Variants in EXOC4 observed in about 807,000 individuals in gnomAD.
EXOC4 encodes SEC8-like 1.
In EXOC4, 71 loss-of-function variants were observed where a neutral mutation model predicts 107.2. The ratio of observed to expected loss-of-function variants is 0.66; its 90% CI spans 0.55 to 0.81. EXOC4 has a LOEUF of 0.81. Among genes scored for constraint, EXOC4 ranks in the 30% least tolerant of loss-of-function variants. EXOC4 has a pLI of 0.00. For missense variants in EXOC4, 1,108 were observed against 1,189.6 expected (o/e 0.93, Z 1.01); for synonymous variants, 456 against 441.2 (o/e 1.03, Z -0.42).
chr7:133,839,372 A>C (rs1028546973), intron 11 of EXOC4, among the ~76,000 whole-genome samples: 1 of 152,202 alleles, frequency 6.6e-6, no homozygotes, highest in African/African-American at 2.4e-5. Flanking sequence ...AATGATTTTA[A>C]ATGTTTTTTA....
chr7:133,823,840 ATAT>A (rs1398699314), intron 11 of EXOC4, among the ~76,000 whole-genome samples: 1 of 10,012 alleles, frequency 1.0e-4, no homozygotes, highest in Non-Finnish European at 1.8e-4. Context: ...ATATATATAT[ATAT>A]TATATATATA....
At chr7:133,413,522 G>T (rs1797408215) in intron 7 of EXOC4, among the ~76,000 whole-genome samples, 1 of 152,096 alleles carries the variant, frequency 6.6e-6, no homozygotes. Flanking sequence ...AGTGACTTTG[G>T]TGTCAAATTT....
intron 9 of EXOC4, among the ~76,000 whole-genome samples, chr7:133,545,232 C>T (rs1273128063): frequency 6.6e-6 from 1 of 152,004 alleles, no homozygotes; most frequent in Non-Finnish European, 1.5e-5. Flanking sequence ...GTTAATTTTC[C>T]AGATAACTAA....
intron 10 of EXOC4, among the ~76,000 whole-genome samples, chr7:133,680,439 C>A (rs759059980): frequency 6.6e-6 from 1 of 152,184 alleles, no homozygotes; most frequent in Non-Finnish European, 1.5e-5. Flanking sequence ...CCTCACCTTA[C>A]ATAAATCTCC....
At chr7:133,518,933 A>T (rs1799930942) in intron 9 of EXOC4, among the ~76,000 whole-genome samples, 2 of 152,146 alleles carry the variant, frequency 1.3e-5, no homozygotes, top group South Asian at 4.1e-4. Flanking sequence ...CAACACCATG[A>T]ATGTACTTAA....
At chr7:133,776,707 G>C (rs1300839588) in intron 10 of EXOC4, among the ~76,000 whole-genome samples, 2 of 152,084 alleles carry the variant, frequency 1.3e-5, no homozygotes, top group Non-Finnish European at 2.9e-5. Context: ...CTAACATTTG[G>C]CTTAGAGTAA....
the EXOC4 span, among the ~76,000 whole-genome samples, chr7:134,097,593 T>G: frequency 1.1e-4 from 17 of 152,182 alleles, no homozygotes; most frequent in Non-Finnish European, 1.9e-4. Context: ...AGACTATTCT[T>G]GCTGAGACAA....
chr7:133,745,582 G>C (rs1458932794), intron 10 of EXOC4, among the ~76,000 whole-genome samples: 1 of 151,904 alleles, frequency 6.6e-6, no homozygotes, highest in Admixed American at 6.6e-5. Context: ...AGAACTTTAA[G>C]AAACAGGATA....
At position 133,707,625 on chromosome 7, in the gene EXOC4, AT is replaced by A. The variant is rs113230829; in HGVS notation, c.1514+77492del. Among the ~76,000 whole-genome samples, 5 of 151,108 alleles carry A rather than the reference AT, an allele frequency of 3.3e-5. No homozygotes were observed. The East Asian group carries it at 7.8e-4, about 23-fold the overall frequency. ...CCCTTTATTTTTTATTTATTTATTT[AT>A]TTTTTTTGAGATGGAGCCTCACTCC... On this transcript the variant is annotated intron_variant, in intron 10 of 17. Coordinates refer to ENST00000253861, the MANE Select transcript of EXOC4 (RefSeq NM_021807.4).
At chr7:134,076,955 C>CAT in the EXOC4 span, among the ~76,000 whole-genome samples, 1 of 149,970 alleles carries the variant, frequency 6.7e-6, no homozygotes, top group African/African-American at 2.5e-5. Context: ...TGAGGATCTG[C>CAT]ATATGTGTGT....
intron 17 of EXOC4, among the ~76,000 whole-genome samples, chr7:134,021,650 A>G (rs1795031580): frequency 6.6e-6 from 1 of 151,154 alleles, no homozygotes; most frequent in African/African-American, 2.4e-5. Context: ...ATTGCCTGGA[A>G]TCTACATGTT....
intron 10 of EXOC4, among the ~76,000 whole-genome samples, chr7:133,649,284 T>G (rs528171817): frequency 5.2e-4 from 79 of 152,230 alleles, no homozygotes; most frequent in African/African-American, 1.9e-3. Flanking sequence ...ATTATTACTT[T>G]TCCAGCACCA....
chr7:133,694,259 CAAAAAAA>C (rs10591090), intron 10 of EXOC4, among the ~76,000 whole-genome samples: 2 of 120,178 alleles, frequency 1.7e-5, no homozygotes, highest in Non-Finnish European at 1.7e-5. Flanking sequence ...GATTCCTTCT[CAAAAAAA>C]AAAAAAAAAA....
intron 7 of EXOC4, among the ~76,000 whole-genome samples, chr7:133,383,541 T>C (rs188686581): frequency 6.6e-6 from 1 of 152,284 alleles, no homozygotes; most frequent in Admixed American, 6.5e-5. Context: ...AAAATTAACC[T>C]CTTGCAGAGA....
intron 11 of EXOC4, among the ~76,000 whole-genome samples, chr7:133,887,191 T>A (rs1799103622): frequency 6.6e-6 from 1 of 152,198 alleles, no homozygotes; most frequent in Non-Finnish European, 1.5e-5. Flanking sequence ...AGCACAATTC[T>A]CGTCAGCTGA....
chr7:133,864,966 T>C (rs1220538997), intron 11 of EXOC4, among the ~76,000 whole-genome samples: 4 of 152,170 alleles, frequency 2.6e-5, no homozygotes, highest in Non-Finnish European at 5.9e-5. Context: ...GTTTCTAAGA[T>C]TTTTAGTTTT....
At chr7:133,397,159 G>A (rs1469333884) in intron 7 of EXOC4, among the ~76,000 whole-genome samples, 3 of 146,804 alleles carry the variant, frequency 2.0e-5, no homozygotes, top group African/African-American at 5.1e-5. Context: ...ACGGAATTTC[G>A]CTCTTGTTGC....
At chr7:133,850,996 A>G (rs374831342) in intron 11 of EXOC4, among the ~76,000 whole-genome samples, 1 of 152,168 alleles carries the variant, frequency 6.6e-6, no homozygotes, top group Admixed American at 6.5e-5. Context: ...AGAATTCTCA[A>G]CATCCTGGTT....
intron 10 of EXOC4, among the ~76,000 whole-genome samples, chr7:133,693,915 A>G (rs770970446): frequency 6.6e-6 from 1 of 152,044 alleles, no homozygotes; most frequent in Non-Finnish European, 1.5e-5. Flanking sequence ...GGCTGAAGAG[A>G]TAATGCTTAC....
Sources: gnomAD v4.1 joint callset for allele counts (sites outside exome capture counted in the v4.1 genomes callset) on GRCh38, gnomAD v4.1.1 for gene constraint, MANE v1.5 for transcripts, NCBI Gene and HGNC (gene_info 2026-07-23, HGNC 2026-07-21) for gene names.